BAZ2B: variants seen among roughly 807,000 people sequenced by gnomAD.
BAZ2B encodes bromodomain adjacent to zinc finger domain 2B.
BAZ2B carries 91 observed loss-of-function variants against 246.0 expected under a neutral mutation model. The observed-to-expected ratio is 0.37, with a 90% CI of 0.31 to 0.44. The LOEUF (loss-of-function observed/expected upper bound fraction) is 0.44. BAZ2B is among the 20% of genes least tolerant of loss of function. The pLI is 1.00. For synonymous variants in BAZ2B, 855 were observed against 860.0 expected (o/e 0.99, Z 0.10); for missense variants, 2,332 against 2,533.7 (o/e 0.92, Z 1.71).
chr2:159,630,658 C>T, the BAZ2B span, among the ~76,000 whole-genome samples: 1 of 151,314 alleles, frequency 6.6e-6, no homozygotes, highest in Admixed American at 6.6e-5. Flanking sequence ...CTCAGCCTCC[C>T]GAGTAGCTGG....
chr2:159,649,371 A>G, the BAZ2B span, among the ~76,000 whole-genome samples: 1 of 152,122 alleles, frequency 6.6e-6, no homozygotes, highest in East Asian at 1.9e-4. Context: ...TCCCTCACAT[A>G]CACAGTTCAC....
At chr2:159,501,203 T>G (rs1179711997) in intron 2 of BAZ2B, among the ~76,000 whole-genome samples, 1 of 74,142 alleles carries the variant, frequency 1.3e-5, no homozygotes, top group Admixed American at 1.5e-4. Flanking sequence ...ATATATATAT[T>G]TTTATATATA....
the BAZ2B span, among the ~76,000 whole-genome samples, chr2:159,709,269 G>A: frequency 4.2e-4 from 64 of 151,830 alleles, no homozygotes; most frequent in African/African-American, 1.4e-3. Flanking sequence ...GTAGACAGTA[G>A]AATGATAGTT....
chr2:159,397,467 C>G, intron 18 of BAZ2B, 78 bp from the exon 19 acceptor site: 4 of 939,804 alleles, frequency 4.3e-6, no homozygotes, highest in Non-Finnish European at 4.8e-6. Flanking sequence ...AGTTCCTTTT[C>G]TGAGATTCTA....
intron 3 of BAZ2B, among the ~76,000 whole-genome samples, chr2:159,475,917 T>C (rs1490296098): frequency 1.3e-5 from 2 of 152,142 alleles, no homozygotes; most frequent in East Asian, 1.9e-4. Context: ...TCTGGAAGCT[T>C]TGTCCCAGAG....
At chr2:159,395,159 G>A (rs750213530) in intron 20 of BAZ2B, among the ~76,000 whole-genome samples, 2 of 152,106 alleles carry the variant, frequency 1.3e-5, no homozygotes, top group Non-Finnish European at 2.9e-5. Flanking sequence ...GGGAACCTGT[G>A]TCTTTCAACC....
At chr2:159,425,500 A>C (rs138177257) in intron 13 of BAZ2B, among the ~76,000 whole-genome samples, 1,574 of 152,308 alleles carry the variant, frequency 0.01, 51 homozygotes, top group East Asian at 0.091. Flanking sequence ...CATTATATAC[A>C]TAAAACAAGC....
rs774518086 is a variant in BAZ2B at position 159,332,530 on chromosome 2, T to C, written c.5943+10A>G. 1.9e-6 allele frequency: 3 copies of C among 1,581,488 alleles called. No homozygotes were observed. Among genetic ancestry groups the C allele is most frequent in the East Asian group, 2.2e-5 (1 of 44,626 alleles). ...ATAAAATGAAAAGTTTAGTTTTAGATTGGTCTTACCTTAGCAATGCAAGCT... is the reference window on the plus strand; with the variant it reads ...ATAAAATGAAAAGTTTAGTTTTAGACTGGTCTTACCTTAGCAATGCAAGCT... On this transcript the variant is annotated intron_variant, in intron 34 of 36. Transcript: ENST00000392783.
intron 27 of BAZ2B, among the ~76,000 whole-genome samples, chr2:159,369,567 C>T (rs1400311762): frequency 6.6e-6 from 1 of 151,958 alleles, no homozygotes; most frequent in Admixed American, 6.6e-5. Context: ...TGCAAAGAGA[C>T]TGATTTCAGG....
intron 1 of BAZ2B, among the ~76,000 whole-genome samples, chr2:159,567,423 A>G (rs1004396708): frequency 2.6e-5 from 4 of 152,188 alleles, no homozygotes; most frequent in Non-Finnish European, 5.9e-5. Flanking sequence ...TGAAAGAAGC[A>G]CAGTTTTTTT....
chr2:159,565,777 CAAAAAAAAAAAAAAAGG>C (rs2090346695), intron 1 of BAZ2B, among the ~76,000 whole-genome samples: 1 of 109,420 alleles, frequency 9.1e-6, no homozygotes, highest in Admixed American at 9.4e-5. Flanking sequence ...ACTCCCATCT[CAAAAAAAAAAAAAAAGG>C]AAAAAAAAAA....
intron 3 of BAZ2B, 71 bp from the exon 4 acceptor site, chr2:159,453,872 T>C: frequency 7.9e-7 from 1 of 1,260,044 alleles, no homozygotes; most frequent in East Asian, 2.9e-5. Flanking sequence ...TTTCAGTGTT[T>C]ATAGTTAAAA....
chr2:159,448,071 C>CT (rs2074511569), intron 5 of BAZ2B, among the ~76,000 whole-genome samples, 171 bp downstream of exon 5: 1 of 152,046 alleles, frequency 6.6e-6, no homozygotes. Flanking sequence ...CTACAGTAAG[C>CT]TATGATCATA....
chr2:159,380,949 C>T (rs1402186796), intron 25 of BAZ2B, among the ~76,000 whole-genome samples: 1 of 152,116 alleles, frequency 6.6e-6, no homozygotes, highest in Non-Finnish European at 1.5e-5. Context: ...TTGCTATAAG[C>T]ACAAGTATAT....
At position 159,349,957 on chromosome 2, in the gene BAZ2B, C is replaced by T; in HGVS notation, c.4614G>A (p.Lys1538=). ...LFNTGSSGPG[K]FYSPLPNDQL... is the part of the protein sequence containing the mutation. Reference sequence around the variant, plus strand: ...GGTCATTGGGGAGAGGACTGTAGAACTTCCCTGGACCACTTGAACCAGTAT... The same window carrying T: ...GGTCATTGGGGAGAGGACTGTAGAATTTCCCTGGACCACTTGAACCAGTAT... Residue 1538 remains lysine, a synonymous_variant, in exon 28 of 37, where the codon AAG becomes AAA. Transcript: ENST00000392783. 1 of 1,614,196 alleles carries T rather than the reference C, an allele frequency of 6.2e-7. No individual in the cohort carries two copies. The highest frequency in any genetic ancestry group is 8.5e-7 in the Non-Finnish European group (1 of 1,180,008).
At chr2:159,669,158 T>C in the BAZ2B span, among the ~76,000 whole-genome samples, 4 of 152,250 alleles carry the variant, frequency 2.6e-5, no homozygotes, top group Non-Finnish European at 5.9e-5. Context: ...GTATTTTCAT[T>C]ATCATTCCCT....
chr2:159,477,059 A>G (rs1177542993), intron 3 of BAZ2B, among the ~76,000 whole-genome samples: 1 of 152,204 alleles, frequency 6.6e-6, no homozygotes, highest in Non-Finnish European at 1.5e-5. Context: ...TAATCCCAGC[A>G]CTTTAGGAGG....
intron 1 of BAZ2B, among the ~76,000 whole-genome samples, chr2:159,557,285 G>A (rs999972252): frequency 1.3e-5 from 2 of 148,332 alleles, no homozygotes; most frequent in South Asian, 2.1e-4. Context: ...TCAAACTCCC[G>A]GTCTCAAGTA....
chr2:159,601,802 T>C (rs952777087), intron 1 of BAZ2B, among the ~76,000 whole-genome samples: 5 of 152,102 alleles, frequency 3.3e-5, no homozygotes, highest in African/African-American at 1.2e-4. Flanking sequence ...CAAAAGGTAA[T>C]ATCATAAAAA....
Sources: allele counts gnomAD v4.1 joint callset (sites outside exome capture counted in the v4.1 genomes callset), GRCh38; gene constraint gnomAD v4.1.1; transcripts MANE v1.5; gene names NCBI Gene and HGNC (gene_info 2026-07-23, HGNC 2026-07-21).